The following EIF2S3B variants were observed in gnomAD, a reference collection of about 807,000 sequenced individuals.
EIF2S3B encodes the protein eukaryotic translation initiation factor 2 subunit gamma B.
Under a neutral mutation model 26.4 loss-of-function variants are expected in EIF2S3B, and 16 were observed. The observed-to-expected ratio is 0.61, with a 90% CI of 0.41 to 0.92. The LOEUF (loss-of-function observed/expected upper bound fraction) is 0.92, where lower values mean the gene tolerates loss of function less well. Among genes scored for constraint, EIF2S3B ranks in the 40% least tolerant of loss-of-function variants. The pLI is 0.00. For synonymous variants in EIF2S3B, 183 were observed against 204.4 expected (o/e 0.90, Z 0.89); for missense variants, 510 against 575.5 (o/e 0.89, Z 1.16).
At chr12:10,510,772 C>A (rs1053440667), downstream of EIF2S3B, among the ~76,000 whole-genome samples, 15 of 152,216 alleles carry the variant, frequency 9.9e-5, no homozygotes, top group Admixed American at 3.3e-4. Context: ...GGATTACATT[C>A]GGAAATCTTG....
At chr12:10,519,981 A>G (rs2137956683) in intron 1 of EIF2S3B, among the ~76,000 whole-genome samples, 1 of 152,064 alleles carries the variant, frequency 6.6e-6, no homozygotes, top group African/African-American at 2.4e-5. Context: ...AACTAGAAAT[A>G]CCATTTGACC....
At chr12:10,522,264 G>A (rs1490237946) in intron 1 of EIF2S3B, among the ~76,000 whole-genome samples, 1 of 152,132 alleles carries the variant, frequency 6.6e-6, no homozygotes, top group Non-Finnish European at 1.5e-5. Context: ...GAGCCTAGGC[G>A]TTTTAGGCTG....
Position 10,506,494 on chromosome 12 carries a change from A to C in EIF2S3B, c.592A>C (p.Arg198=). ...AAATAAAATTGATTTGGTAAAAGAAAGGCAGGCTAAAGAACAATACGAGCA... is the reference window on the plus strand; with the variant it reads ...AAATAAAATTGATTTGGTAAAAGAACGGCAGGCTAAAGAACAATACGAGCA... ...LQNKIDLVKE[R]QAKEQYEQIL... is the part of the protein sequence containing the mutation. The change falls in exon 1 of 1, where the codon AGG becomes CGG. Residue 198 remains arginine, a synonymous_variant. Transcript: ENST00000538173. 1 of 1,606,342 alleles carries C rather than the reference A, an allele frequency of 6.2e-7. No homozygotes were observed. Among genetic ancestry groups the C allele is most frequent in the South Asian group, 1.1e-5 (1 of 90,942 alleles).
At chr12:10,509,594 A>G (rs1317663625), downstream of EIF2S3B, among the ~76,000 whole-genome samples, 1 of 152,030 alleles carries the variant, frequency 6.6e-6, no homozygotes, top group Non-Finnish European at 1.5e-5. Context: ...CTATGCCTCT[A>G]TAACTATCCA....
downstream of EIF2S3B, among the ~76,000 whole-genome samples, chr12:10,508,525 CAA>C: frequency 0.047 from 2,969 of 63,064 alleles, 12 homozygotes; most frequent in African/African-American, 0.065. Flanking sequence ...TGTTAGAAAG[CAA>C]AAAAAAAAAA....
chr12:10,522,683 A>G (rs1335429126), exon 2 of EIF2S3B: 9 of 694,326 alleles, frequency 1.3e-5, no homozygotes, highest in Non-Finnish European at 2.1e-5. Flanking sequence ...GGAAGTCTGC[A>G]GCAAACTTCT....
intron 1 of EIF2S3B, among the ~76,000 whole-genome samples, chr12:10,517,900 T>A (rs1456726946): frequency 6.6e-6 from 1 of 152,030 alleles, no homozygotes; most frequent in Non-Finnish European, 1.5e-5. Context: ...GGTTGTTCAG[T>A]TTCCATGTAG....
downstream of EIF2S3B, among the ~76,000 whole-genome samples, chr12:10,509,288 A>G (rs7961707): frequency 0.99 from 150,229 of 152,040 alleles, 74,237 homozygotes; most frequent in Middle Eastern, 1. Context: ...TTTTAACTGA[A>G]GTAATATATA....
At position 10,506,997 on chromosome 12, in the gene EIF2S3B, T is replaced by A; in HGVS notation, c.1095T>A (p.Pro365=). ...TACTTGGTGCAGTCGGAGCTTTACCTGAGATATTCACAGAATTGGAAATTT... is the reference window on the plus strand; with the variant it reads ...TACTTGGTGCAGTCGGAGCTTTACCAGAGATATTCACAGAATTGGAAATTT... ...GQILGAVGAL[P]EIFTELEISY... is the part of the protein sequence containing the mutation. The change falls in exon 1 of 1, where the codon CCT becomes CCA. Residue 365 remains proline (P), a synonymous_variant. Coordinates refer to ENST00000538173, the MANE Select transcript of EIF2S3B (RefSeq NM_001357734.3). 3.1e-6 allele frequency: 5 copies of A among 1,613,796 alleles called. No individual in the cohort carries two copies. Among genetic ancestry groups the A allele is most frequent in the Non-Finnish European group, 4.2e-6 (5 of 1,179,692 alleles).
chr12:10,513,449 T>C (rs1864724651), downstream of EIF2S3B, among the ~76,000 whole-genome samples: 1 of 152,112 alleles, frequency 6.6e-6, no homozygotes, highest in Non-Finnish European at 1.5e-5. Context: ...GAAGAGAAAT[T>C]TTTTTCTGAG....
intron 1 of EIF2S3B, among the ~76,000 whole-genome samples, chr12:10,521,613 A>G (rs901642673): frequency 1.3e-5 from 2 of 152,170 alleles, no homozygotes; most frequent in Non-Finnish European, 2.9e-5. Flanking sequence ...CTCAGAAACC[A>G]TAAATAAATA....
Position 10,506,187 on chromosome 12 carries a change from T to C in EIF2S3B, c.285T>C (p.Ser95=). 6.3e-7 allele frequency: 1 copy of C among 1,575,968 alleles called. No individual in the cohort carries two copies. The highest frequency in any genetic ancestry group is 1.7e-5 in the Admixed American group (1 of 59,982). ...AGATTTATCAACTTGATGACCCAAG[T>C]TGCCCTCGGCCAGAATGTTATCGAT... ...NAKIYQLDDP[S]CPRPECYRSC... Residue 95 remains serine, a synonymous_variant, in exon 1 of 1, where the codon AGT becomes AGC. Coordinates refer to ENST00000538173, the MANE Select transcript of EIF2S3B (RefSeq NM_001357734.3).
At chr12:10,517,623 T>C (rs538605494) in intron 1 of EIF2S3B, among the ~76,000 whole-genome samples, 1 of 152,316 alleles carries the variant, frequency 6.6e-6, no homozygotes, top group Non-Finnish European at 1.5e-5. Context: ...AGTTCTGCTC[T>C]GATTTTAGTT....
chr12:10,507,487 AC>A lies in EIF2S3B; in HGVS notation c.*167del. On this transcript the variant is annotated 3_prime_UTR_variant, in exon 1 of 1. Coordinates refer to ENST00000538173, the MANE Select transcript of EIF2S3B (RefSeq NM_001357734.3). ...TCTCTTTTTTTTTTTGGTTATGAAA[AC>A]TTAGGGACTACAATTAGTATAAAAA... 1.3e-6 allele frequency: 1 copy of A among 755,634 alleles called. No individual in the cohort carries two copies. The highest frequency in any genetic ancestry group is 2.1e-6 in the Non-Finnish European group (1 of 473,040). 46.8% of individuals were successfully genotyped at this position (755,634 alleles called of 1,614,324 possible). A position where few individuals can be genotyped will look rare whatever the true frequency, so the allele number is the denominator to read the frequency against.
intron 1 of EIF2S3B, among the ~76,000 whole-genome samples, chr12:10,521,137 C>A (rs1766230909): frequency 6.6e-6 from 1 of 152,112 alleles, no homozygotes; most frequent in Non-Finnish European, 1.5e-5. Flanking sequence ...AAGTGATAAC[C>A]ATATTATGAT....
rs143426812 is a variant in EIF2S3B at position 10,521,771 on chromosome 12, T to C, written c.1309-832T>C. Among the ~76,000 whole-genome samples, 31 of 152,298 alleles carry C rather than the reference T, an allele frequency of 2.0e-4. No homozygotes were observed. The East Asian group carries it at 4.2e-3, about 21-fold the overall frequency. On this transcript the variant is annotated intron_variant, in intron 1 of 1. Transcript: ENST00000322446. Reference sequence around the variant, plus strand: ...AGTCCACGCAGAAACCTGAAGTGTATAGTAAAAGCTAGCTATTTTAGGAAA... The same window carrying C: ...AGTCCACGCAGAAACCTGAAGTGTACAGTAAAAGCTAGCTATTTTAGGAAA...
chr12:10,518,759 A>G (rs1352003804), intron 1 of EIF2S3B, among the ~76,000 whole-genome samples: 3 of 151,866 alleles, frequency 2.0e-5, no homozygotes, highest in South Asian at 2.1e-4. Context: ...CCCATTCACA[A>G]TTGCTTCAAA....
intron 1 of EIF2S3B, among the ~76,000 whole-genome samples, chr12:10,522,018 T>C (rs1455345654): frequency 6.6e-6 from 1 of 152,182 alleles, no homozygotes; most frequent in Non-Finnish European, 1.5e-5. Flanking sequence ...AACTTTTGAG[T>C]CTACAATTTT....
chr12:10,518,483 C>T (rs1289395654), intron 1 of EIF2S3B, among the ~76,000 whole-genome samples: 3 of 152,012 alleles, frequency 2.0e-5, no homozygotes, highest in Non-Finnish European at 2.9e-5. Flanking sequence ...TTATTTTGAG[C>T]CTATGTGTGT....
Sources: allele counts gnomAD v4.1 joint callset (sites outside exome capture counted in the v4.1 genomes callset), GRCh38; gene constraint gnomAD v4.1.1; transcripts MANE v1.5; gene names NCBI Gene and HGNC (gene_info 2026-07-23, HGNC 2026-07-21).